GABBR2: variants seen among roughly 807,000 people sequenced by gnomAD.
GABBR2 encodes the protein G-protein coupled receptor 51.
GABBR2 carries 23 observed loss-of-function variants against 105.6 expected under a neutral mutation model. The ratio of observed to expected loss-of-function variants is 0.22; its 90% CI spans 0.16 to 0.31. The LOEUF is 0.31. Ranked by LOEUF, GABBR2 falls within the 10% of genes least tolerant of loss-of-function variation. The pLI is 1.00. For missense variants in GABBR2, 734 were observed against 1,245.5 expected (o/e 0.59, Z 6.18); for synonymous variants, 478 against 499.7 (o/e 0.96, Z 0.58).
chr9:98,352,382 T>C (rs545471377), intron 13 of GABBR2, among the ~76,000 whole-genome samples: 2 of 152,170 alleles, frequency 1.3e-5, no homozygotes, highest in Non-Finnish European at 2.9e-5. Context: ...AGGTGGCTGG[T>C]CAGTCCTAAG....
At chr9:98,464,479 C>A (rs1426229517) in intron 6 of GABBR2, among the ~76,000 whole-genome samples, 1 of 149,242 alleles carries the variant, frequency 6.7e-6, no homozygotes, top group Non-Finnish European at 1.5e-5. Context: ...TGGCCGCCCC[C>A]ATCTGGGAAG....
At chr9:98,663,025 G>C (rs1187833469) in intron 1 of GABBR2, among the ~76,000 whole-genome samples, 2 of 152,148 alleles carry the variant, frequency 1.3e-5, no homozygotes, top group Admixed American at 6.5e-5. Context: ...AGGATGGGTT[G>C]ATCATGATGA....
rs1430092155 is a variant in GABBR2, at chr9:98,447,227, A to G, written c.1236+6754T>C. 2.9e-5 allele frequency among the ~76,000 whole-genome samples: 4 copies of G among 140,298 alleles called. 1 individual carries two copies. The highest frequency in any genetic ancestry group is 1.1e-4 in the African/African-American group (4 of 37,626). 92.0% of individuals were successfully genotyped at this position (140,298 alleles called of 152,430 possible). A position where few individuals can be genotyped will look rare whatever the true frequency, so the allele number is the denominator to read the frequency against. On this transcript the variant is annotated intron_variant, in intron 7 of 18. Coordinates refer to ENST00000259455, the MANE Select transcript of GABBR2 (RefSeq NM_005458.8). ...CAGGCGCCCGCCACTACGCCCGGCT[A>G]ATTTTTTGTATTTTTAGTAGAGATG...
At chr9:98,327,914 C>T (rs1197182604) in intron 13 of GABBR2, among the ~76,000 whole-genome samples, 2 of 151,058 alleles carry the variant, frequency 1.3e-5, no homozygotes, top group Admixed American at 6.6e-5. Context: ...TTTCCAGAGC[C>T]TTTAACCTGC....
intron 13 of GABBR2, among the ~76,000 whole-genome samples, chr9:98,341,382 A>C (rs1435251): frequency 0.3 from 45,733 of 152,100 alleles, 7,078 homozygotes; most frequent in East Asian, 0.46. Flanking sequence ...TCTCGCCTGA[A>C]GTTCTTGTTT....
Position 98,373,464 on chromosome 9 carries a change from C to T in GABBR2, c.1663-1893G>A, listed in dbSNP as rs541052562. ...AAGCCTGGAACTCGATGCTTTGACCCGGTCCAGGCCTCTCTCCCCGACATC... is the reference window on the plus strand; with the variant it reads ...AAGCCTGGAACTCGATGCTTTGACCTGGTCCAGGCCTCTCTCCCCGACATC... On this transcript the variant is annotated intron_variant, in intron 11 of 18. Coordinates refer to ENST00000259455, the MANE Select transcript of GABBR2 (RefSeq NM_005458.8). Among the ~76,000 whole-genome samples, 61 of 152,274 alleles carry T rather than the reference C, an allele frequency of 4.0e-4. No homozygotes were observed. In the Middle Eastern group the frequency reaches 0.014, roughly 34 times the overall value.
At chr9:98,292,619 G>T (rs760877958) in intron 18 of GABBR2, among the ~76,000 whole-genome samples, 43 of 152,224 alleles carry the variant, frequency 2.8e-4, no homozygotes, top group Non-Finnish European at 5.3e-4. Context: ...GTCAGCTGAA[G>T]TCTGTGTCTT....
chr9:98,620,247 T>TTCTCTCTCTCTCTC (rs112127893), intron 1 of GABBR2, among the ~76,000 whole-genome samples: 17 of 146,616 alleles, frequency 1.2e-4, no homozygotes, highest in South Asian at 8.9e-4. Context: ...TTTTCTCTCT[T>TTCTCTCTCTCTCTC]TCTCTCTCTC....
chr9:98,707,511 C>G (rs925449913), intron 1 of GABBR2: 6 of 152,388 alleles, frequency 3.9e-5, no homozygotes, highest in African/African-American at 1.4e-4. Flanking sequence ...GGTGAAGGTC[C>G]GCTCTGGGGC....
chr9:98,494,097 G>A (rs770907096), intron 4 of GABBR2, among the ~76,000 whole-genome samples: 30 of 152,206 alleles, frequency 2.0e-4, no homozygotes, highest in Non-Finnish European at 3.2e-4. Context: ...GTGTGATGCA[G>A]TGGTGAGCCA....
At chr9:98,566,502 C>A (rs1041828186) in intron 2 of GABBR2, among the ~76,000 whole-genome samples, 1 of 151,930 alleles carries the variant, frequency 6.6e-6, no homozygotes, top group Non-Finnish European at 1.5e-5. Context: ...TGTGAAACTC[C>A]GTCTCTACTA....
At chr9:98,640,605 G>C (rs1037739563) in intron 1 of GABBR2, among the ~76,000 whole-genome samples, 2 of 152,206 alleles carry the variant, frequency 1.3e-5, no homozygotes, top group Non-Finnish European at 2.9e-5. Flanking sequence ...TGGGGGAAAA[G>C]AGGTGCCACA....
At chr9:98,410,369 T>G (rs1378457677) in intron 7 of GABBR2, among the ~76,000 whole-genome samples, 1 of 150,356 alleles carries the variant, frequency 6.7e-6, no homozygotes, top group African/African-American at 2.4e-5. Context: ...CACTCACTCT[T>G]CTACACTCTC....
intron 8 of GABBR2, among the ~76,000 whole-genome samples, chr9:98,403,745 AG>A (rs1310598489): frequency 7.3e-6 from 1 of 137,554 alleles, no homozygotes; most frequent in Non-Finnish European, 1.5e-5. Flanking sequence ...TTACTTGCTG[AG>A]AAAAAAAAAA....
chr9:98,414,013 C>T (rs1330381579), intron 7 of GABBR2, among the ~76,000 whole-genome samples: 1 of 152,218 alleles, frequency 6.6e-6, no homozygotes, highest in Non-Finnish European at 1.5e-5. Flanking sequence ...TCCTGTTGGG[C>T]ACCTATGATG....
chr9:98,463,998 C>A (rs1826483166), intron 6 of GABBR2, among the ~76,000 whole-genome samples: 1 of 152,234 alleles, frequency 6.6e-6, no homozygotes, highest in Non-Finnish European at 1.5e-5. Flanking sequence ...CTCCACCTCC[C>A]AGCCACCTGC....
chr9:98,468,690 G>A (rs1040111967), intron 6 of GABBR2, among the ~76,000 whole-genome samples: 2 of 152,144 alleles, frequency 1.3e-5, no homozygotes, highest in Non-Finnish European at 1.5e-5. Context: ...TTAGAGAACT[G>A]AGCTGTGAAA....
chr9:98,547,722 C>G (rs1056453780), intron 2 of GABBR2, among the ~76,000 whole-genome samples: 1 of 121,696 alleles, frequency 8.2e-6, no homozygotes, highest in Non-Finnish European at 1.8e-5. Context: ...TATCTGACTT[C>G]CTAATTTTTG....
In GABBR2 at chr9:98,454,261, A is replaced by G. The variant is rs768571641; in HGVS notation, c.1000-44T>C. ...GGGGGAATCCCAAGTTATACTCGGCAGGGACATCAGGTGCCTGATGCCGAG... is the reference window on the plus strand; with the variant it reads ...GGGGGAATCCCAAGTTATACTCGGCGGGGACATCAGGTGCCTGATGCCGAG... On this transcript the variant is annotated intron_variant, in intron 6 of 18. Transcript: ENST00000259455. This position sits in a 1 kb window ranked among gnomAD's most constrained non-coding sequence, Gnocchi z 4.6. The G allele has an allele frequency of 7.5e-7, 1 of 1,337,652 alleles. No individual in the cohort carries two copies. Among genetic ancestry groups the G allele is most frequent in the East Asian group, 2.3e-5 (1 of 43,544 alleles). The allele number at this position is 1,337,652 out of a possible 1,614,324, so 82.9% of individuals were successfully genotyped here. A position where few individuals can be genotyped will look rare whatever the true frequency, so the allele number is the denominator to read the frequency against.
Sources: gnomAD v4.1 joint callset for allele counts (sites outside exome capture counted in the v4.1 genomes callset) on GRCh38, gnomAD v4.1.1 for gene constraint, Gnocchi (gnomAD v3.1) non-coding constraint, MANE v1.5 for transcripts, NCBI Gene and HGNC (gene_info 2026-07-23, HGNC 2026-07-21) for gene names.